Variants in SLC2A9 observed in about 807,000 individuals in gnomAD.
SLC2A9 encodes the protein solute carrier family 2, facilitated glucose transporter member 9.
Under a neutral mutation model 50.6 loss-of-function variants are expected in SLC2A9, and 39 were observed. That is an observed-to-expected ratio of 0.77 (90% CI 0.60 to 1.01). The LOEUF (loss-of-function observed/expected upper bound fraction) is 1.01, where lower values mean the gene tolerates loss of function less well. Ranked by LOEUF, SLC2A9 falls within the 50% of genes least tolerant of loss-of-function variation. The probability of loss-of-function intolerance (pLI) is 0.00; values close to 1 mark genes in which losing one functional copy is unlikely to be tolerated. For synonymous variants in SLC2A9, 324 were observed against 276.9 expected (o/e 1.17, Z -1.69); for missense variants, 686 against 677.6 (o/e 1.01, Z -0.14).
At chr4:9,818,609 T>C (rs1723960754) in intron 3 of SLC2A9, among the ~76,000 whole-genome samples, 1 of 152,184 alleles carries the variant, frequency 6.6e-6, no homozygotes, top group Non-Finnish European at 1.5e-5. Flanking sequence ...TTAGCAGAAT[T>C]CTCGCTAACA....
chr4:9,781,314 C>A (rs1298127700), intron 3 of SLC2A9, among the ~76,000 whole-genome samples: 1 of 152,204 alleles, frequency 6.6e-6, no homozygotes, highest in African/African-American at 2.4e-5. Flanking sequence ...CCCCGCTTAC[C>A]CTTCAAATGC....
intron 6 of SLC2A9, among the ~76,000 whole-genome samples, chr4:9,934,702 G>A (rs1021412824): frequency 6.6e-6 from 1 of 152,202 alleles, no homozygotes; most frequent in Non-Finnish European, 1.5e-5. Flanking sequence ...GTACAGGTTT[G>A]TTACATAAAT....
chr4:9,957,356 C>T (rs1046252077), intron 5 of SLC2A9, among the ~76,000 whole-genome samples: 1 of 152,180 alleles, frequency 6.6e-6, no homozygotes, highest in African/African-American at 2.4e-5. Flanking sequence ...CCTCCCAATA[C>T]AAATCCTGCT....
At chr4:9,897,658 G>T (rs537084528) in intron 8 of SLC2A9, among the ~76,000 whole-genome samples, 67 of 152,072 alleles carry the variant, frequency 4.4e-4, no homozygotes, top group Non-Finnish European at 7.6e-4. Context: ...AGGCCAAAAT[G>T]GGTGGATTAC....
intron 10 of SLC2A9, among the ~76,000 whole-genome samples, chr4:9,846,306 G>A (rs1728986738): frequency 6.6e-6 from 1 of 152,192 alleles, no homozygotes; most frequent in African/African-American, 2.4e-5. Flanking sequence ...GTTGGAAAGG[G>A]TGGGACTGGA....
chr4:10,023,350 G>A (rs1763638911), upstream of SLC2A9, among the ~76,000 whole-genome samples: 1 of 152,200 alleles, frequency 6.6e-6, no homozygotes, highest in African/African-American at 2.4e-5. Context: ...CCCCTATGCT[G>A]TCCTGATAGG....
intron 2 of SLC2A9, among the ~76,000 whole-genome samples, chr4:10,000,656 C>T (rs1416697173): frequency 6.6e-6 from 1 of 152,112 alleles, no homozygotes; most frequent in Non-Finnish European, 1.5e-5. Context: ...GTAAGCTTGG[C>T]CTCTCATAGG....
At chr4:9,958,462 G>T (rs1344778637) in intron 5 of SLC2A9, among the ~76,000 whole-genome samples, 1 of 152,046 alleles carries the variant, frequency 6.6e-6, no homozygotes, top group African/African-American at 2.4e-5. Flanking sequence ...ATGGACACAG[G>T]GAGGGGAACA....
intron 1 of SLC2A9, among the ~76,000 whole-genome samples, chr4:10,033,933 C>T (rs895640742): frequency 5.9e-5 from 9 of 152,212 alleles, no homozygotes; most frequent in East Asian, 1.9e-4. Context: ...CAGAGCTTTC[C>T]GCCCTTTTCA....
downstream of SLC2A9, among the ~76,000 whole-genome samples, chr4:9,794,640 C>A (rs528197362): frequency 2.0e-5 from 3 of 152,278 alleles, no homozygotes; most frequent in South Asian, 6.2e-4. Context: ...GTGGGGATGA[C>A]AGATTGCAAA....
chr4:9,799,692 A>ACCCCCCCCCCCCCCCCCCCCCC (rs57223650), intron 3 of SLC2A9, among the ~76,000 whole-genome samples: 11 of 69,858 alleles, frequency 1.6e-4, no homozygotes, highest in East Asian at 4.8e-4. Context: ...TTCCAATTGT[A>ACCCCCCCCCCCCCCCCCCCCCC]CCCCCCCCCC....
chr4:9,920,946 G>T (rs1743831269), intron 6 of SLC2A9, among the ~76,000 whole-genome samples: 1 of 152,172 alleles, frequency 6.6e-6, no homozygotes, highest in Admixed American at 6.5e-5. Context: ...TGTAATAATT[G>T]CATGATATCA....
intron 5 of SLC2A9, among the ~76,000 whole-genome samples, chr4:9,970,117 G>A (rs1753652132): frequency 6.6e-6 from 1 of 152,182 alleles, no homozygotes; most frequent in Non-Finnish European, 1.5e-5. Context: ...CTGCCTCTGT[G>A]ACACACACTC....
intron 3 of SLC2A9, among the ~76,000 whole-genome samples, chr4:9,987,533 T>G (rs923845082): frequency 1.3e-5 from 2 of 152,172 alleles, no homozygotes; most frequent in African/African-American, 4.8e-5. Flanking sequence ...GATATTAAAT[T>G]GTTTTGTAAA....
intron 5 of SLC2A9, among the ~76,000 whole-genome samples, chr4:9,953,456 C>T (rs1346576352): frequency 2.0e-5 from 3 of 152,220 alleles, no homozygotes; most frequent in African/African-American, 7.2e-5. Context: ...CACTGCACTG[C>T]CTGCTCCCTT....
At chr4:9,873,208 T>A (rs1309440831) in intron 10 of SLC2A9, among the ~76,000 whole-genome samples, 4 of 152,206 alleles carry the variant, frequency 2.6e-5, no homozygotes, top group Non-Finnish European at 5.9e-5. Context: ...TGTGTGCACA[T>A]GCATGTGAGT....
intron 3 of SLC2A9, among the ~76,000 whole-genome samples, chr4:9,786,354 G>A (rs1036324697): frequency 6.6e-6 from 1 of 152,218 alleles, no homozygotes; most frequent in African/African-American, 2.4e-5. Context: ...TGGCCGTGGA[G>A]TCTTTAATCC....
At chr4:9,834,612 T>G (rs1726717976) in intron 11 of SLC2A9, among the ~76,000 whole-genome samples, 1 of 152,182 alleles carries the variant, frequency 6.6e-6, no homozygotes. Flanking sequence ...AGGTTTGAGT[T>G]GCTAACCTAG....
intron 3 of SLC2A9, among the ~76,000 whole-genome samples, chr4:9,820,524 GGAA>G (rs1401526624): frequency 6.6e-6 from 1 of 152,148 alleles, no homozygotes; most frequent in Admixed American, 6.5e-5. Flanking sequence ...ATAGATAAAT[GGAA>G]GAAGATTGAC....
Sources: gnomAD v4.1 joint callset for allele counts (sites outside exome capture counted in the v4.1 genomes callset) on GRCh38, gnomAD v4.1.1 for gene constraint, MANE v1.5 for transcripts, NCBI Gene and HGNC (gene_info 2026-07-23, HGNC 2026-07-21) for gene names.